The following DGKQ variants were observed in gnomAD, a reference collection of about 807,000 sequenced individuals.
DGKQ encodes diacylglycerol kinase theta, also known as DAG kinase theta.
In DGKQ, 97 loss-of-function variants were observed where a neutral mutation model predicts 104.2. That is an observed-to-expected ratio of 0.93 (90% CI 0.79 to 1.10). DGKQ has a LOEUF of 1.10. Among genes scored for constraint, DGKQ ranks in the 50% least tolerant of loss-of-function variants. DGKQ has a pLI of 0.00. For missense variants in DGKQ, 1,465 were observed against 1,352.1 expected (o/e 1.08, Z -1.31); for synonymous variants, 736 against 595.2 (o/e 1.24, Z -3.44).
In DGKQ at chr4:973,269, T is replaced by C; in HGVS notation, c.214A>G (p.Thr72Ala). The change falls in exon 1 of 23, where the codon ACC (threonine) becomes GCC (alanine). Residue 72 changes from threonine to alanine, a missense_variant. Coordinates refer to ENST00000273814, the MANE Select transcript of DGKQ (RefSeq NM_001347.4). ...SFRKVTLTKP[T>A]FCHLCSDFIW... is the part of the protein sequence containing the mutation. The stretch of plus-strand genomic sequence containing the variant: ...AAGTCGGAGCAGAGGTGGCAGAAGG[T>C]GGGCTTGGTGAGCGTCACCTTCCGG... The C allele has an allele frequency of 1.3e-6, 2 of 1,547,462 alleles. No homozygotes were observed. The highest frequency in any genetic ancestry group is 1.9e-5 in the Admixed American group (1 of 52,626).
In DGKQ at chr4:961,812, C is replaced by T. The variant is rs200926485; in HGVS notation, c.2338G>A (p.Val780Met). 20 of 1,605,146 alleles carry T rather than the reference C, an allele frequency of 1.2e-5. No individual in the cohort carries two copies. The East Asian group carries it at 1.3e-4, about 11-fold the overall frequency. The change falls in exon 20 of 23, where the codon GTG (valine) becomes ATG (methionine). Residue 780 changes from valine (V) to methionine (M), a missense_variant. Physicochemically the swap from Val to Met is conservative, Grantham distance 21. Coordinates refer to ENST00000273814, the MANE Select transcript of DGKQ (RefSeq NM_001347.4). ...CTGATCTTCTGCAGCCCCACCCGCA[C>T]GTACACACCCTTGTTGTGCAGCCTG... ...TSRLHNKGVY[V>M]RVGLQKISHS...
At chr4:968,675 G>A (rs1712669479) in intron 3 of DGKQ, 111 bp from the exon 4 acceptor site, 1 of 1,352,848 alleles carries the variant, frequency 7.4e-7, no homozygotes, top group African/African-American at 1.4e-5. Context: ...TCCTTTAAGT[G>A]TCCTGTGGCC....
rs755229714 is a variant in DGKQ, at chr4:961,725, G to C, written c.2425C>G (p.Pro809Ala). ...ATGAAGATGAGGCCTTCAATACTGGGCAGCTCCACCTCCTGCCGCTCCACC... is the reference window on the plus strand; with the variant it reads ...ATGAAGATGAGGCCTTCAATACTGGCCAGCTCCACCTCCTGCCGCTCCACC... ...LQVERQEVEL[P>A]SIEGLIFINI... Residue 809 changes from proline to alanine, a missense_variant, in exon 20 of 23, where the codon CCC (proline) becomes GCC (alanine). By Grantham distance (27) the Pro-to-Ala change is conservative. Coordinates refer to ENST00000273814, the MANE Select transcript of DGKQ (RefSeq NM_001347.4). 1.9e-6 allele frequency: 3 copies of C among 1,612,548 alleles called. No homozygotes were observed. Among genetic ancestry groups the C allele is most frequent in the Non-Finnish European group, 2.5e-6 (3 of 1,179,936 alleles).
In DGKQ at chr4:971,985, C is replaced by G. The variant is rs983925713; in HGVS notation, c.272-913G>C. On this transcript the variant is annotated intron_variant, in intron 1 of 22. Coordinates refer to ENST00000273814, the MANE Select transcript of DGKQ (RefSeq NM_001347.4). This position sits in a 1 kb window ranked among gnomAD's most constrained non-coding sequence, Gnocchi z 4.0. ...CTCCTGGCAGCTTAAGAGAAAAGCT[C>G]TGGAAGCAGGCCAGGGTCCACCGAG... 1.3e-5 allele frequency among the ~76,000 whole-genome samples: 2 copies of G among 151,516 alleles called. No homozygotes were observed. Among genetic ancestry groups the G allele is most frequent in the East Asian group, 1.9e-4 (1 of 5,132 alleles).
Position 967,937 on chromosome 4 carries a change from G to C in DGKQ, c.754C>G (p.Leu252Val). Residue 252 changes from leucine to valine, a missense_variant, in exon 6 of 23, where the codon CTG becomes GTG. Coordinates refer to ENST00000273814, the MANE Select transcript of DGKQ (RefSeq NM_001347.4). ...LVLPPACVRL[L>V]PGGFSKTQSF... ...TGCGTCTTGCTGAAGCCGCCGGGCA[G>C]AAGGCGCACGCACGCGGGAGGCAGG... 1 of 1,477,016 alleles carries C rather than the reference G, an allele frequency of 6.8e-7. No homozygotes were observed. The highest frequency in any genetic ancestry group is 8.9e-7 in the Non-Finnish European group (1 of 1,122,500). The allele number at this position is 1,477,016 out of a possible 1,614,324, so 91.5% of individuals were successfully genotyped here. A position where few individuals can be genotyped will look rare whatever the true frequency, so the allele number is the denominator to read the frequency against.
At chr4:972,977 C>A (rs1363794239) in intron 1 of DGKQ, among the ~76,000 whole-genome samples, 1 of 152,218 alleles carries the variant, frequency 6.6e-6, no homozygotes, top group African/African-American at 2.4e-5. Flanking sequence ...TGGGTCGCAG[C>A]CATCGCGCGG....
At chr4:963,007 C>A in intron 16 of DGKQ, 87 bp from the exon 17 acceptor site, 1 of 1,519,454 alleles carries the variant, frequency 6.6e-7, no homozygotes, top group Non-Finnish European at 8.9e-7. Context: ...CCCGTCCTGG[C>A]CGTGTGGAGG....
chr4:972,710 C>T (rs894479489), intron 1 of DGKQ, among the ~76,000 whole-genome samples: 2 of 152,226 alleles, frequency 1.3e-5, no homozygotes, highest in African/African-American at 4.8e-5. Flanking sequence ...GCACCCGGGC[C>T]CAGAACAGGG....
chr4:966,369 AGGAGAACTCGGCGTCTG>A (rs958009881), intron 12 of DGKQ, 80 bp downstream of exon 12: 135 of 1,366,080 alleles, frequency 9.9e-5, no homozygotes, highest in Non-Finnish European at 1.3e-4. Flanking sequence ...TGCCTAGCCA[AGGAGAACTCGGCGTCTG>A]GGGCACACCC....
chr4:960,829 C>T, intron 22 of DGKQ, 108 bp from the exon 23 acceptor site: 3 of 1,509,464 alleles, frequency 2.0e-6, no homozygotes, highest in Non-Finnish European at 2.7e-6. Flanking sequence ...CATCTCAGCC[C>T]CATTTCACGG....
At chr4:972,261 C>T (rs1712988137) in intron 1 of DGKQ, among the ~76,000 whole-genome samples, 1 of 152,138 alleles carries the variant, frequency 6.6e-6, no homozygotes, top group Non-Finnish European at 1.5e-5. Flanking sequence ...CTGGGGAAGC[C>T]CCTGGCATCC....
At position 968,297 on chromosome 4, in the gene DGKQ, C is replaced by T; in HGVS notation, c.648G>A (p.Glu216=). 1 of 1,505,890 alleles carries T rather than the reference C, an allele frequency of 6.6e-7. No individual in the cohort carries two copies. Among genetic ancestry groups the T allele is most frequent in the African/African-American group, 1.4e-5 (1 of 70,208 alleles). 93.3% of individuals were successfully genotyped at this position (1,505,890 alleles called of 1,614,324 possible). A position where few individuals can be genotyped will look rare whatever the true frequency, so the allele number is the denominator to read the frequency against. The change falls in exon 5 of 23, where the codon GAG becomes GAA. Residue 216 remains glutamate, a synonymous_variant. Coordinates refer to ENST00000273814, the MANE Select transcript of DGKQ (RefSeq NM_001347.4). ...SSDVLAGVRC[E]WCGVQAHSLC... ...CAGCGCCCACCTGGACCCCGCACCA[C>T]TCGCAGCGCACGCCGGCCAGCACGT...
In DGKQ at chr4:966,855, A is replaced by T. The variant is rs572396406; in HGVS notation, c.1312-53T>A. 1.8e-4 allele frequency: 280 copies of T among 1,578,890 alleles called. 5 individuals are homozygous for T. The South Asian group carries it at 3.1e-3, about 17-fold the overall frequency. Reference sequence around the variant, plus strand: ...CTGGGCAGGCCCCCACCACCTCAGGACACCCGCGGGGACAGCCACGCCTGG... The same window carrying T: ...CTGGGCAGGCCCCCACCACCTCAGGTCACCCGCGGGGACAGCCACGCCTGG... On this transcript the variant is annotated intron_variant, in intron 10 of 22. Coordinates refer to ENST00000273814, the MANE Select transcript of DGKQ (RefSeq NM_001347.4).
At chr4:961,941 G>T (rs779455652) in intron 19 of DGKQ, 41 bp downstream of exon 19, 1 of 1,610,614 alleles carries the variant, frequency 6.2e-7, no homozygotes, top group Admixed American at 1.7e-5. Flanking sequence ...ACCTGAGGGA[G>T]GTATGCCGTT....
At position 962,924 on chromosome 4, in the gene DGKQ, G is replaced by A; in HGVS notation, c.1887-4C>T. 2 of 1,605,788 alleles carry A rather than the reference G, an allele frequency of 1.2e-6. No homozygotes were observed. Among genetic ancestry groups the A allele is most frequent in the Middle Eastern group, 3.3e-4 (2 of 6,048 alleles). On this transcript the variant is annotated splice_region_variant and splice_polypyrimidine_tract_variant and intron_variant, in intron 16 of 22. Coordinates refer to ENST00000273814, the MANE Select transcript of DGKQ (RefSeq NM_001347.4). ...CACCTGGGAGAACAGGTGGAGCCTA[G>A]CGGGAGACAGGAAGTGTCCTCTACC...
chr4:960,727 C>A lies in DGKQ; in HGVS notation c.2728-6G>T. 1 of 1,611,516 alleles carries A rather than the reference C, an allele frequency of 6.2e-7. No homozygotes were observed. Among genetic ancestry groups the A allele is most frequent in the Middle Eastern group, 1.7e-4 (1 of 6,052 alleles). On this transcript the variant is annotated splice_region_variant and splice_polypyrimidine_tract_variant and intron_variant, in intron 22 of 22. Transcript: ENST00000273814. ...GCCTTCCTCAGCATGTGCACCTGTC[C>A]CAGGGCAGGGGACAGAGGACCAGGG...
At position 960,637 on chromosome 4, in the gene DGKQ, CA is replaced by C; in HGVS notation, c.2811del (p.Glu938ArgfsTer55). Reference protein sequence around the residue: ...RDARADAAPAPESDPR With the variant: ...RDARADAAPAXESDPR ...AGCCACCCCTACCTAGGATCGCTCT[CA>C]GGGGCAGGCGCAGCATCCGCCCGGG... is the stretch of plus-strand genomic sequence containing the variant. On this transcript the variant is annotated frameshift_variant, in exon 23 of 23. Transcript: ENST00000273814. LOFTEE classifies it high-confidence loss of function. The C allele has an allele frequency of 6.2e-7, 1 of 1,611,984 alleles. No individual in the cohort carries two copies. Among genetic ancestry groups the C allele is most frequent in the Non-Finnish European group, 8.5e-7 (1 of 1,179,760 alleles).
intron 2 of DGKQ, among the ~76,000 whole-genome samples, chr4:969,253 G>C: frequency 6.6e-6 from 1 of 152,232 alleles, no homozygotes; most frequent in East Asian, 1.9e-4. Flanking sequence ...GCCCTGCCTA[G>C]CGCAGGGGAG....
chr4:962,199 G>A (rs1711938453), intron 18 of DGKQ, 117 bp from the exon 19 acceptor site: 4 of 972,322 alleles, frequency 4.1e-6, no homozygotes, highest in African/African-American at 1.6e-5. Flanking sequence ...GCACCAAGCC[G>A]AGCACCCAGG....
Sources: gnomAD v4.1 joint callset for allele counts (sites outside exome capture counted in the v4.1 genomes callset) on GRCh38, gnomAD v4.1.1 for gene constraint, Gnocchi (gnomAD v3.1) non-coding constraint, MANE v1.5 for transcripts, NCBI Gene and HGNC (gene_info 2026-07-23, HGNC 2026-07-21) for gene names.